Variants in LOXHD1 observed in about 807,000 individuals in gnomAD.
LOXHD1 encodes lipoxygenase homology domain-containing protein 1.
LOXHD1 carries 205 observed loss-of-function variants against 248.2 expected under a neutral mutation model. That is an observed-to-expected ratio of 0.83 (90% confidence interval 0.74 to 0.93). The LOEUF (loss-of-function observed/expected upper bound fraction) is 0.93. Ranked by LOEUF, LOXHD1 falls within the 40% of genes least tolerant of loss-of-function variation. The pLI, the probability that LOXHD1 is intolerant of heterozygous loss-of-function variation, is 0.00. For missense variants in LOXHD1, 2,930 were observed against 2,971.6 expected, an observed-to-expected ratio of 0.99 and a Z score of 0.33; for synonymous variants, 1,113 against 1,162.8, an observed-to-expected ratio of 0.96 and a Z score of 0.87.
intron 27 of LOXHD1, 24 bp downstream of exon 27, chr18:46,534,311 A>T (rs1267708834): frequency 1.3e-6 from 2 of 1,506,168 alleles, no homozygotes; most frequent in Non-Finnish European, 1.8e-6. Context: ...AAGAAACAGC[A>T]GGACAGACCA....
chr18:46,602,869 A>G (rs536673338), intron 7 of LOXHD1, among the ~76,000 whole-genome samples: 1 of 152,190 alleles, frequency 6.6e-6, no homozygotes, highest in Non-Finnish European at 1.5e-5. Context: ...ATCGTTTAGG[A>G]TATAAGCAAT....
intron 19 of LOXHD1, among the ~76,000 whole-genome samples, chr18:46,559,873 T>C (rs955082709): frequency 2.6e-5 from 4 of 152,164 alleles, no homozygotes; most frequent in Non-Finnish European, 4.4e-5. Context: ...CCTGAGAACC[T>C]CAGAACAAGC....
rs931911802 is a variant in LOXHD1, at chr18:46,601,330, G to C, written c.1021C>G (p.Arg341Gly). ...KIFLEGGVFD[R>G]GRTDIFHIEL... Reference sequence around the variant, plus strand: ...ATGTGGAAGATGTCCGTGCGGCCTCGGTCAAACACGCCGCCCTCCAGGAAG... The same window carrying C: ...ATGTGGAAGATGTCCGTGCGGCCTCCGTCAAACACGCCGCCCTCCAGGAAG... The change falls in exon 8 of 41, where the codon CGA becomes GGA. Residue 341 changes from arginine to glycine, a missense_variant. By Grantham distance (125) the Arg-to-Gly change is moderately radical (BLOSUM62 -2). Transcript: ENST00000642948. 1.9e-6 allele frequency: 3 copies of C among 1,551,602 alleles called. No individual in the cohort carries two copies. The highest frequency in any genetic ancestry group is 2.6e-6 in the Non-Finnish European group (3 of 1,146,972).
chr18:46,603,383 A>G (rs1048837277), intron 7 of LOXHD1, among the ~76,000 whole-genome samples: 13 of 152,120 alleles, frequency 8.5e-5, no homozygotes, highest in Non-Finnish European at 1.5e-4. Context: ...CTCTGTGGGT[A>G]GGATGAATGG....
In LOXHD1 at chr18:46,639,613, G is replaced by C. The variant is rs779401571; in HGVS notation, c.511+3C>G. 12 of 1,550,364 alleles carry C rather than the reference G, an allele frequency of 7.7e-6. 1 individual carries two copies. The South Asian group carries it at 1.3e-4, about 17-fold the overall frequency. ...TGGCAGGCAGGCCAGCCTAGGCACT[G>C]ACCTCTGGGCATGTCCATGGGGTTG... On this transcript the variant is annotated splice_donor_region_variant and intron_variant, in intron 4 of 40. Transcript: ENST00000642948.
At chr18:46,644,770 C>T (rs1330533258) in intron 2 of LOXHD1, among the ~76,000 whole-genome samples, 1 of 152,040 alleles carries the variant, frequency 6.6e-6, no homozygotes, top group Non-Finnish European at 1.5e-5. Flanking sequence ...CTTCCAGTGA[C>T]CAGGCTGAAC....
chr18:46,484,881 G>T, intron 39 of LOXHD1, 138 bp downstream of exon 39: 1 of 1,059,722 alleles, frequency 9.4e-7, no homozygotes, highest in Non-Finnish European at 1.3e-6. Flanking sequence ...CACAGGATTG[G>T]CACACAGTAG....
At chr18:46,618,045 C>T in intron 5 of LOXHD1, 147 bp downstream of exon 5, 2 of 621,638 alleles carry the variant, frequency 3.2e-6, no homozygotes, top group South Asian at 2.0e-5. Flanking sequence ...GGACAGGTCA[C>T]TCCAAACCAC....
intron 35 of LOXHD1, 192 bp downstream of exon 35, chr18:46,509,506 G>C: frequency 1.6e-6 from 1 of 644,946 alleles, no homozygotes; most frequent in Non-Finnish European, 2.9e-6. Flanking sequence ...GTTCTCACTG[G>C]ACACAAATAA....
At chr18:46,478,834 G>A (rs1353087000) in intron 40 of LOXHD1, among the ~76,000 whole-genome samples, 1 of 152,104 alleles carries the variant, frequency 6.6e-6, no homozygotes, top group Non-Finnish European at 1.5e-5. Context: ...CTGGAACTAT[G>A]AGCATGCACT....
chr18:46,599,235 A>G (rs971356155), intron 8 of LOXHD1, among the ~76,000 whole-genome samples: 2 of 152,170 alleles, frequency 1.3e-5, no homozygotes, highest in Admixed American at 1.3e-4. Context: ...TCTTAATGAT[A>G]AGAATTATCT....
rs2032112721 is a variant in LOXHD1, at chr18:46,477,572, T to A, written c.6722A>T (p.Asn2241Ile). The change falls in exon 41 of 41, where the codon AAC (asparagine) becomes ATC (isoleucine). Residue 2241 changes from asparagine to isoleucine, a missense_variant. Physicochemically the swap from Asn to Ile is moderately radical, Grantham distance 149. Coordinates refer to ENST00000642948, the MANE Select transcript of LOXHD1 (RefSeq NM_001384474.1). ...GATGGTGGCCACGCCGGTGCTGGTG[T>A]TGGTGACCTCCACCTTCTCCACCAG... ...GWLVEKVEVT[N>I]TSTGVATIFN... 1.3e-6 allele frequency: 2 copies of A among 1,551,604 alleles called. No individual in the cohort carries two copies. The highest frequency in any genetic ancestry group is 2.7e-5 in the African/African-American group (2 of 73,068).
chr18:46,545,247 T>G, intron 23 of LOXHD1, 70 bp downstream of exon 23: 1 of 1,159,412 alleles, frequency 8.6e-7, no homozygotes, highest in South Asian at 1.3e-5. Flanking sequence ...CCCTTGGAAA[T>G]TTCTGCTGAG....
intron 24 of LOXHD1, 25 bp from the exon 25 acceptor site, chr18:46,541,965 C>T (rs2036580807): frequency 6.5e-7 from 1 of 1,540,424 alleles, no homozygotes; most frequent in African/African-American, 1.4e-5. Context: ...GACACAAAAC[C>T]CATCAAGGAC....
chr18:46,557,999 A>C, intron 20 of LOXHD1: 1 of 1,002,054 alleles, frequency 1.0e-6, no homozygotes, highest in Non-Finnish European at 1.2e-6. Flanking sequence ...TATGGATCAC[A>C]CCATGTGAAT....
chr18:46,562,996 A>G, intron 18 of LOXHD1, 69 bp downstream of exon 18: 2 of 1,482,076 alleles, frequency 1.3e-6, no homozygotes, highest in African/African-American at 1.4e-5. Flanking sequence ...GGAAATTAGT[A>G]CACCCAGGGA....
chr18:46,601,555 C>T (rs750506703), intron 7 of LOXHD1, 88 bp from the exon 8 acceptor site: 1 of 1,522,430 alleles, frequency 6.6e-7, no homozygotes, highest in African/African-American at 1.4e-5. Flanking sequence ...GTTACAACAC[C>T]CCCAAAGCCC....
At chr18:46,559,883 C>T (rs1292186267) in intron 19 of LOXHD1, among the ~76,000 whole-genome samples, 200 bp downstream of exon 19, 8 of 152,324 alleles carry the variant, frequency 5.3e-5, no homozygotes, top group African/African-American at 1.4e-4. Context: ...TCAGAACAAG[C>T]GCCATGCTTA....
chr18:46,592,365 G>T, intron 11 of LOXHD1, 133 bp downstream of exon 11: 5 of 789,424 alleles, frequency 6.3e-6, no homozygotes, highest in Non-Finnish European at 1.0e-5. Context: ...CCAAATTCAG[G>T]TCTCACCATA....
Sources: allele counts gnomAD v4.1 joint callset (sites outside exome capture counted in the v4.1 genomes callset), GRCh38; gene constraint gnomAD v4.1.1; transcripts MANE v1.5; gene names NCBI Gene and HGNC (gene_info 2026-07-23, HGNC 2026-07-21).